The following PCDH9 variants were observed in gnomAD, a reference collection of about 807,000 sequenced individuals.
PCDH9 encodes the protein protocadherin 9.
Under a neutral mutation model 70.6 loss-of-function variants are expected in PCDH9, and 24 were observed. That is an observed-to-expected ratio of 0.34 (90% CI 0.25 to 0.48). The LOEUF (loss-of-function observed/expected upper bound fraction) is 0.48. Among genes scored for constraint, PCDH9 ranks in the 20% least tolerant of loss-of-function variants. The pLI, the probability that PCDH9 is intolerant of heterozygous loss-of-function variation, is 0.99. For synonymous variants in PCDH9, 562 were observed against 558.5 expected (o/e 1.01, Z -0.09); for missense variants, 1,281 against 1,503.6 (o/e 0.85, Z 2.45).
intron 3 of PCDH9, among the ~76,000 whole-genome samples, chr13:66,653,766 G>C (rs530472495): frequency 6.6e-6 from 1 of 152,100 alleles, no homozygotes; most frequent in Admixed American, 6.5e-5. Context: ...AGGAGACCCA[G>C]ACCATCCTGG....
At chr13:66,458,555 C>T (rs1474672941) in intron 4 of PCDH9, among the ~76,000 whole-genome samples, 1 of 151,948 alleles carries the variant, frequency 6.6e-6, no homozygotes, top group Admixed American at 6.6e-5. Context: ...CTCTCTCCAT[C>T]CTTTCCAAAG....
intron 4 of PCDH9, among the ~76,000 whole-genome samples, chr13:66,516,782 G>A (rs1959757449): frequency 6.6e-6 from 1 of 151,746 alleles, no homozygotes; most frequent in Non-Finnish European, 1.5e-5. Context: ...GCTTGTATGA[G>A]TCATTTTATC....
intron 3 of PCDH9, among the ~76,000 whole-genome samples, chr13:66,744,121 C>T (rs2079318605): frequency 6.6e-6 from 1 of 152,184 alleles, no homozygotes; most frequent in African/African-American, 2.4e-5. Context: ...GAGAGCCCCA[C>T]GCATCTGGGT....
intron 4 of PCDH9, among the ~76,000 whole-genome samples, chr13:66,543,292 C>A (rs561576167): frequency 6.6e-6 from 1 of 152,018 alleles, no homozygotes; most frequent in South Asian, 2.1e-4. Context: ...AAATGATGGC[C>A]GGGCACAGTG....
chr13:66,513,573 A>C (rs778269507), intron 4 of PCDH9, among the ~76,000 whole-genome samples: 2 of 152,188 alleles, frequency 1.3e-5, no homozygotes, highest in Non-Finnish European at 2.9e-5. Flanking sequence ...CCATGATTTC[A>C]TAAATCATCT....
chr13:66,438,882 C>A (rs1255819000), intron 4 of PCDH9, among the ~76,000 whole-genome samples: 1 of 152,104 alleles, frequency 6.6e-6, no homozygotes, highest in Admixed American at 6.6e-5. Context: ...AGCACTGAAG[C>A]CAACTCAGTA....
intron 4 of PCDH9, among the ~76,000 whole-genome samples, chr13:66,521,361 T>G (rs1355209990): frequency 1.3e-5 from 2 of 152,040 alleles, no homozygotes; most frequent in Non-Finnish European, 2.9e-5. Context: ...CATGATGAGG[T>G]CGGTAGTTTC....
In PCDH9 at chr13:66,894,425, AC is replaced by A. The variant is rs1594219064; in HGVS notation, c.3138+9078del. Reference sequence around the variant, plus strand: ...TGAAGTATAAGCTAAAATCAAGTCAACCCTGAGATTATATAGGTTATGTTAG... The same window carrying A: ...TGAAGTATAAGCTAAAATCAAGTCAACCTGAGATTATATAGGTTATGTTAG... On this transcript the variant is annotated intron_variant, in intron 3 of 4. Coordinates refer to ENST00000377865, the MANE Select transcript of PCDH9 (RefSeq NM_203487.3). Among the ~76,000 whole-genome samples the A allele has an allele frequency of 2.0e-5, 3 of 152,328 alleles. No homozygotes were observed. In the East Asian group the frequency reaches 5.8e-4, roughly 29 times the overall value.
chr13:66,406,646 A>G (rs573739389), intron 4 of PCDH9, among the ~76,000 whole-genome samples: 1 of 152,316 alleles, frequency 6.6e-6, no homozygotes, highest in Non-Finnish European at 1.5e-5. Context: ...AGCTTTGTTT[A>G]AACACAAAGT....
At chr13:66,999,498 A>G (rs1216537895) in intron 2 of PCDH9, among the ~76,000 whole-genome samples, 2 of 152,140 alleles carry the variant, frequency 1.3e-5, no homozygotes, top group Non-Finnish European at 2.9e-5. Context: ...TAATTAAACT[A>G]AAGAGCTTCT....
chr13:66,657,471 C>T (rs1220470737), intron 3 of PCDH9, among the ~76,000 whole-genome samples: 1 of 152,182 alleles, frequency 6.6e-6, no homozygotes, highest in Non-Finnish European at 1.5e-5. Flanking sequence ...CAAAGAGCTC[C>T]TGGTTGCCTG....
rs113212024 is a variant in PCDH9, at chr13:66,937,702, A to G, written c.3037-34097T>C. The stretch of plus-strand genomic sequence containing the variant: ...AGTATTGACCAATCCCAGTGACCAT[A>G]CTTCAACCACTCATAGACTGCTGAA... On this transcript the variant is annotated intron_variant, in intron 2 of 4. Coordinates refer to ENST00000377865, the MANE Select transcript of PCDH9 (RefSeq NM_203487.3). 1.8e-3 allele frequency among the ~76,000 whole-genome samples: 272 copies of G among 152,334 alleles called. 3 individuals carry two copies. Among genetic ancestry groups the G allele is most frequent in the African/African-American group, 6.3e-3 (260 of 41,588 alleles).
At chr13:66,401,772 C>T (rs58409481) in intron 4 of PCDH9, among the ~76,000 whole-genome samples, 2 of 49,670 alleles carry the variant, frequency 4.0e-5, no homozygotes, top group Admixed American at 4.6e-4. Context: ...GTACCTCCTG[C>T]CCAACTACTC....
intron 2 of PCDH9, among the ~76,000 whole-genome samples, chr13:66,947,273 C>T (rs1876566958): frequency 1.3e-5 from 2 of 152,118 alleles, no homozygotes; most frequent in Admixed American, 6.6e-5. Context: ...ATAGTGTTAT[C>T]TAACTAAAAA....
In PCDH9 at chr13:66,971,278, T is replaced by C. The variant is rs528653793; in HGVS notation, c.3037-67673A>G. ...TGTTATTCATATGTGTAATCACCCA[T>C]GGACTAACTAGAAATAACAGTGGTC... On this transcript the variant is annotated intron_variant, in intron 2 of 4. Coordinates refer to ENST00000377865, the MANE Select transcript of PCDH9 (RefSeq NM_203487.3). 2.7e-4 allele frequency among the ~76,000 whole-genome samples: 41 copies of C among 152,156 alleles called. No homozygotes were observed. In the South Asian group the frequency reaches 7.9e-3, roughly 29 times the overall value.
chr13:67,031,445 CT>C (rs1792204664), intron 2 of PCDH9, among the ~76,000 whole-genome samples: 1 of 152,136 alleles, frequency 6.6e-6, no homozygotes, highest in Admixed American at 6.6e-5. Flanking sequence ...TGGTTCATGT[CT>C]GTAATCCCAG....
Position 66,391,985 on chromosome 13 carries a change from C to T in PCDH9, c.3341-86957G>A, listed in dbSNP as rs530342607. 4.0e-5 allele frequency among the ~76,000 whole-genome samples: 6 copies of T among 150,676 alleles called. No homozygotes were observed. The South Asian group carries it at 1.3e-3, about 31-fold the overall frequency. The stretch of plus-strand genomic sequence containing the variant: ...GTTTTTTAAATTTAAATGGTAACTG[C>T]TGTTATAGGAAAACAATATATTAAT... On this transcript the variant is annotated intron_variant, in intron 4 of 4. Transcript: ENST00000377865.
intron 3 of PCDH9, among the ~76,000 whole-genome samples, chr13:66,852,373 T>C (rs1406338387): frequency 6.6e-6 from 1 of 152,140 alleles, no homozygotes; most frequent in Non-Finnish European, 1.5e-5. Flanking sequence ...GTAAGCATTG[T>C]TAATCATCCT....
chr13:67,071,256 A>C (rs2085756476), intron 2 of PCDH9, among the ~76,000 whole-genome samples: 1 of 152,168 alleles, frequency 6.6e-6, no homozygotes, highest in South Asian at 2.1e-4. Context: ...TTCTTAAACC[A>C]AATAAATGTT....
Sources: allele counts gnomAD v4.1 joint callset (sites outside exome capture counted in the v4.1 genomes callset), GRCh38; gene constraint gnomAD v4.1.1; transcripts MANE v1.5; gene names NCBI Gene and HGNC (gene_info 2026-07-23, HGNC 2026-07-21).